The following CDK5RAP1 variants were observed in gnomAD, a reference collection of about 807,000 sequenced individuals.
The protein encoded by CDK5RAP1 is CDK5RAP1 mitochondrial tRNA methylthiotransferase, also known as mitochondrial tRNA methylthiotransferase CDK5RAP1.
A neutral mutation model predicts 64.5 loss-of-function variants in CDK5RAP1; 62 were observed. The observed-to-expected ratio is 0.96, with a 90% CI of 0.78 to 1.19. CDK5RAP1 has a LOEUF of 1.19. Among genes scored for constraint, CDK5RAP1 ranks in the 50% most tolerant of loss-of-function variants. The pLI is 0.00. For synonymous variants in CDK5RAP1, 250 were observed against 261.9 expected, an observed-to-expected ratio of 0.95 and a Z score of 0.44; for missense variants, 657 against 735.0, an observed-to-expected ratio of 0.89 and a Z score of 1.23.
At chr20:33,372,944 G>A (rs1052096876) in intron 9 of CDK5RAP1, 71 of 273,482 alleles carry the variant, frequency 2.6e-4, no homozygotes, top group Non-Finnish European at 3.8e-4. Context: ...ACAGAGTCTC[G>A]CTCTGTCTCT....
intron 12 of CDK5RAP1, among the ~76,000 whole-genome samples, chr20:33,362,331 T>C (rs182654776): frequency 1.3e-5 from 2 of 152,298 alleles, no homozygotes; most frequent in Admixed American, 6.5e-5. Context: ...GAATCACGTA[T>C]GTCAGAAGTC....
chr20:33,377,519 A>G (rs1286177882), intron 8 of CDK5RAP1, among the ~76,000 whole-genome samples: 1 of 152,182 alleles, frequency 6.6e-6, no homozygotes, highest in African/African-American at 2.4e-5. Flanking sequence ...AGAGAACTGA[A>G]GAGGGGCCTT....
intron 11 of CDK5RAP1, among the ~76,000 whole-genome samples, chr20:33,369,774 G>A (rs1025730565): frequency 2.0e-5 from 3 of 152,140 alleles, no homozygotes; most frequent in Non-Finnish European, 4.4e-5. Context: ...AATTAGTTTG[G>A]TTGATGGCAG....
chr20:33,367,090 T>C, intron 11 of CDK5RAP1, 82 bp from the exon 12 acceptor site: 1 of 1,332,908 alleles, frequency 7.5e-7, no homozygotes, highest in East Asian at 2.3e-5. Flanking sequence ...AGGGCGACCA[T>C]GTTCATTCTA....
rs573273464 is a variant in CDK5RAP1, at chr20:33,359,272, C to G, written c.1684-149G>C. On this transcript the variant is annotated intron_variant, in intron 13 of 13. Transcript: ENST00000346416. ...CACATGGCTCCTGTGTGCCCCCGAT[C>G]CTGGCAGGAAGCGAGGTCTCATGGA... The G allele has an allele frequency of 8.1e-6, 5 of 618,346 alleles. No homozygotes were observed. In the South Asian group the frequency reaches 9.8e-5, roughly 12 times the overall value. The allele number at this position is 618,346 out of a possible 1,614,324, so 38.3% of individuals were successfully genotyped here.
chr20:33,374,096 C>G lies in CDK5RAP1; in HGVS notation c.1205+19G>C. ...AACATGGAAAAGTGAGGGATGCCCC[C>G]TCTCCAAGCAAGCCTGACCCCCTCC... On this transcript the variant is annotated intron_variant, in intron 9 of 13. Coordinates refer to ENST00000346416, the MANE Select transcript of CDK5RAP1 (RefSeq NM_016408.4). 1 of 1,568,596 alleles carries G rather than the reference C, an allele frequency of 6.4e-7. No homozygotes were observed. Among genetic ancestry groups the G allele is most frequent in the Non-Finnish European group, 8.8e-7 (1 of 1,139,090 alleles).
chr20:33,377,236 G>T (rs920767517), intron 8 of CDK5RAP1, among the ~76,000 whole-genome samples: 1 of 152,180 alleles, frequency 6.6e-6, no homozygotes, highest in Non-Finnish European at 1.5e-5. Flanking sequence ...GAATGGCACT[G>T]ATTTCTCTTC....
At chr20:33,395,992 C>T (rs895758263) in intron 2 of CDK5RAP1, among the ~76,000 whole-genome samples, 2 of 151,314 alleles carry the variant, frequency 1.3e-5, no homozygotes, top group East Asian at 3.9e-4. Context: ...CCAGCCTGGG[C>T]GACAGAGCGA....
intron 9 of CDK5RAP1, 135 bp from the exon 10 acceptor site, chr20:33,372,832 G>A (rs767937848): frequency 1.7e-6 from 1 of 573,166 alleles, no homozygotes; most frequent in Non-Finnish European, 3.1e-6. Flanking sequence ...GTAAATTAAA[G>A]TATCCAAAAG....
rs998359863 is a variant in CDK5RAP1, at chr20:33,387,330, C to T, written c.748G>A (p.Ala250Thr). Residue 250 changes from alanine to threonine, a missense_variant, in exon 6 of 14, where the codon GCC becomes ACC. Coordinates refer to ENST00000346416, the MANE Select transcript of CDK5RAP1 (RefSeq NM_016408.4). ...PVQTSASATSAFVSIMRGCDN... is the reference protein window; with the variant it reads ...PVQTSASATSTFVSIMRGCDN... ...TCTTAGGCAGTGACTCACACAAAGG[C>T]AGACGTGGCACTGGCGCTTGTCTGG... The T allele has an allele frequency of 6.2e-7, 1 of 1,612,842 alleles. No individual in the cohort carries two copies. Among genetic ancestry groups the T allele is most frequent in the African/African-American group, 1.3e-5 (1 of 74,788 alleles).
chr20:33,367,082 G>A, intron 11 of CDK5RAP1, 74 bp from the exon 12 acceptor site: 2 of 1,455,594 alleles, frequency 1.4e-6, no homozygotes. Context: ...ATGCACAGAG[G>A]GCGACCATGT....
At chr20:33,359,670 C>G (rs906748698) in intron 13 of CDK5RAP1, 1 of 156,058 alleles carries the variant, frequency 6.4e-6, no homozygotes, top group Non-Finnish European at 1.4e-5. Flanking sequence ...CAAACAGAAA[C>G]AAAACAGGCA....
chr20:33,358,871 A>C lies in CDK5RAP1; in HGVS notation c.*172T>G, dbSNP rs1161445199. On this transcript the variant is annotated 3_prime_UTR_variant, in exon 14 of 14. Coordinates refer to ENST00000346416, the MANE Select transcript of CDK5RAP1 (RefSeq NM_016408.4). ...TAGTTTAGGTAAATTTAATGACTGT[A>C]AAAGCTGTTCACATAGCAGCTTTAA... 1 of 587,656 alleles carries C rather than the reference A, an allele frequency of 1.7e-6. No homozygotes were observed. Among genetic ancestry groups the C allele is most frequent in the African/African-American group, 1.9e-5 (1 of 53,782 alleles). The allele number at this position is 587,656 out of a possible 1,614,324, so 36.4% of individuals were successfully genotyped here. A position where few individuals can be genotyped will look rare whatever the true frequency, so the allele number is the denominator to read the frequency against.
At position 33,384,181 on chromosome 20, in the gene CDK5RAP1, C is replaced by A. The variant is rs371799029; in HGVS notation, c.876+1469G>T. On this transcript the variant is annotated intron_variant, in intron 7 of 13. Transcript: ENST00000346416. Reference sequence around the variant, plus strand: ...AAAATCTAAATGAAAGAAAAAAAATCTTTAAAAATTACTAAACAAGCAAAA... The same window carrying A: ...AAAATCTAAATGAAAGAAAAAAAATATTTAAAAATTACTAAACAAGCAAAA... Among the ~76,000 whole-genome samples, 10 of 152,212 alleles carry A rather than the reference C, an allele frequency of 6.6e-5. No individual in the cohort carries two copies. The East Asian group carries it at 1.2e-3, about 18-fold the overall frequency.
At chr20:33,388,183 T>G (rs1287248814) in intron 5 of CDK5RAP1, among the ~76,000 whole-genome samples, 1 of 152,166 alleles carries the variant, frequency 6.6e-6, no homozygotes, top group African/African-American at 2.4e-5. Context: ...TGTCTGGAAC[T>G]TACTTACCCA....
At chr20:33,397,685 A>C (rs1989032133) in intron 1 of CDK5RAP1, among the ~76,000 whole-genome samples, 1 of 152,048 alleles carries the variant, frequency 6.6e-6, no homozygotes, top group Non-Finnish European at 1.5e-5. Context: ...CCGATCAGTG[A>C]CTCCTTCTAC....
intron 8 of CDK5RAP1, among the ~76,000 whole-genome samples, chr20:33,376,345 T>C (rs1218700368): frequency 6.6e-6 from 1 of 151,878 alleles, no homozygotes; most frequent in East Asian, 1.9e-4. Flanking sequence ...AAAATAAAAA[T>C]AAAAAATAAA....
At chr20:33,383,290 T>G (rs1986994302) in intron 7 of CDK5RAP1, among the ~76,000 whole-genome samples, 1 of 151,946 alleles carries the variant, frequency 6.6e-6, no homozygotes, top group Admixed American at 6.6e-5. Flanking sequence ...ATGCTCTACT[T>G]TGAAATACGT....
intron 9 of CDK5RAP1, chr20:33,373,546 G>A (rs1021909930): frequency 2.0e-5 from 3 of 152,626 alleles, no homozygotes; most frequent in African/African-American, 4.8e-5. Flanking sequence ...TATGCCCTGT[G>A]GAAAACAAGA....
Sources: allele counts gnomAD v4.1 joint callset (sites outside exome capture counted in the v4.1 genomes callset), GRCh38; gene constraint gnomAD v4.1.1; transcripts MANE v1.5; gene names NCBI Gene and HGNC (gene_info 2026-07-23, HGNC 2026-07-21).